The following CCDC136 variants were observed in gnomAD, a reference collection of about 807,000 sequenced individuals.
CCDC136 encodes the protein coiled-coil domain containing 136, also known as coiled-coil domain-containing protein 136.
Under a neutral mutation model 141.2 loss-of-function variants are expected in CCDC136, and 100 were observed. That is an observed-to-expected ratio of 0.71 (90% CI 0.60 to 0.84). The LOEUF (loss-of-function observed/expected upper bound fraction) is 0.84, where lower values mean the gene tolerates loss of function less well. Among genes scored for constraint, CCDC136 ranks in the 40% least tolerant of loss-of-function variants. The pLI is 0.00. For synonymous variants in CCDC136, 474 were observed against 531.9 expected (o/e 0.89, Z 1.50); for missense variants, 1,206 against 1,379.4 (o/e 0.87, Z 1.99).
intron 14 of CCDC136, among the ~76,000 whole-genome samples, chr7:128,813,953 GC>G (rs1806171160): frequency 1.3e-5 from 2 of 152,010 alleles, no homozygotes; most frequent in South Asian, 4.2e-4. Flanking sequence ...TTGCACTCCA[GC>G]CTGGGCAACA....
chr7:128,795,623 G>A (rs917265529), intron 3 of CCDC136, among the ~76,000 whole-genome samples: 2 of 152,068 alleles, frequency 1.3e-5, no homozygotes, highest in African/African-American at 2.4e-5. Context: ...TTGCAGAGGA[G>A]GAAAGTGGCA....
In CCDC136 at chr7:128,792,276, G is replaced by T. The variant is rs1451452384; in HGVS notation, c.-136G>T. ...TCTTTCCTCTGCACCCCAGCCCGCA[G>T]CCAGCCCCCCACCCCCCAGCCCCTC... On this transcript the variant is annotated 5_prime_UTR_variant, in exon 1 of 18. Transcript: ENST00000297788. The T allele has an allele frequency of 1.4e-6, 2 of 1,450,118 alleles. No homozygotes were observed. Among genetic ancestry groups the T allele is most frequent in the Non-Finnish European group, 1.8e-6 (2 of 1,083,482 alleles). The allele number at this position is 1,450,118 out of a possible 1,614,324, so 89.8% of individuals were successfully genotyped here. A position where few individuals can be genotyped will look rare whatever the true frequency, so the allele number is the denominator to read the frequency against.
chr7:128,816,077 A>T, intron 16 of CCDC136, 146 bp downstream of exon 16: 1 of 751,790 alleles, frequency 1.3e-6, no homozygotes, highest in Non-Finnish European at 2.1e-6. Context: ...GGAGGTGGAG[A>T]TGCAGAAGTG....
At chr7:128,797,512 C>G (rs536875584) in intron 3 of CCDC136, among the ~76,000 whole-genome samples, 4 of 152,270 alleles carry the variant, frequency 2.6e-5, no homozygotes, top group African/African-American at 9.6e-5. Context: ...ATGTCATGCC[C>G]TGTAAGCCAG....
chr7:128,813,404 T>C (rs901101898), intron 14 of CCDC136, among the ~76,000 whole-genome samples: 2 of 152,164 alleles, frequency 1.3e-5, no homozygotes, highest in Admixed American at 6.5e-5. Context: ...GGCCAGGGGT[T>C]CACGGTCCAG....
chr7:128,807,772 C>A, intron 10 of CCDC136: 1 of 337,044 alleles, frequency 3.0e-6, no homozygotes, highest in Middle Eastern at 8.0e-4. Context: ...AGTCTGAACC[C>A]CTGAAAGTTT....
upstream of CCDC136, chr7:128,791,573 C>G (rs906456525): frequency 8.0e-7 from 1 of 1,242,966 alleles, no homozygotes; most frequent in African/African-American, 1.6e-5. The surrounding 1 kb of genome is among the most constrained non-coding windows in gnomAD (Gnocchi z 7.1). Flanking sequence ...CCCTCCGTCA[C>G]CTGTCTACCG....
intron 14 of CCDC136, 70 bp downstream of exon 14, chr7:128,812,999 T>C (rs1473900075): frequency 1.9e-6 from 2 of 1,038,042 alleles, no homozygotes; most frequent in Non-Finnish European, 2.9e-6. Flanking sequence ...GGCCACTTCA[T>C]AGAGGCTAAA....
chr7:128,792,500 C>T, intron 1 of CCDC136, 73 bp downstream of exon 1: 7 of 1,214,966 alleles, frequency 5.8e-6, no homozygotes, highest in African/African-American at 4.6e-5. Flanking sequence ...TCCCTCTGAC[C>T]CCCAGGCCTC....
intron 4 of CCDC136, among the ~76,000 whole-genome samples, chr7:128,802,668 G>C (rs1305675220): frequency 6.6e-6 from 1 of 152,190 alleles, no homozygotes; most frequent in Non-Finnish European, 1.5e-5. Context: ...ATGGAGTTTA[G>C]TTAATAGTAA....
intron 1 of CCDC136, among the ~76,000 whole-genome samples, chr7:128,793,483 G>A (rs895321257): frequency 2.2e-4 from 33 of 152,276 alleles, no homozygotes; most frequent in Admixed American, 1.9e-3. Context: ...AAGGGCGCCC[G>A]AGTTTGTCCA....
chr7:128,813,155 G>A (rs1318856996), intron 14 of CCDC136, among the ~76,000 whole-genome samples: 2 of 152,180 alleles, frequency 1.3e-5, no homozygotes, highest in African/African-American at 4.8e-5. Flanking sequence ...TTCTCCCTTT[G>A]CCACTTCTGT....
intron 17 of CCDC136, among the ~76,000 whole-genome samples, chr7:128,820,965 T>C (rs527871609): frequency 6.6e-6 from 1 of 152,358 alleles, no homozygotes; most frequent in African/African-American, 2.4e-5. Flanking sequence ...ACCTATGCCA[T>C]AGCTTATGAC....
rs745725625 is a variant in CCDC136, at chr7:128,812,944, G to A, written c.2763+15G>A. The A allele has an allele frequency of 1.3e-6, 2 of 1,572,092 alleles. No homozygotes were observed. The highest frequency in any genetic ancestry group is 1.7e-6 in the Non-Finnish European group (2 of 1,153,100). On this transcript the variant is annotated intron_variant, in intron 14 of 17. Transcript: ENST00000297788. ...ACAAGAATGAGGTAACCACTGTCAG[G>A]GAGGCAGGGTTTCCTCTGGCAGCCC...
In CCDC136 at chr7:128,821,367, C is replaced by G. The variant is rs1225319364; in HGVS notation, c.*6-432C>G. 1.3e-5 allele frequency among the ~76,000 whole-genome samples: 2 copies of G among 152,186 alleles called. No homozygotes were observed. Among genetic ancestry groups the G allele is most frequent in the Non-Finnish European group, 2.9e-5 (2 of 68,034 alleles). ...TTCTTCATTTCCCCTCAGCCTTATT[C>G]CCCCTTCCCCATCCTCTTGACTCTG... On this transcript the variant is annotated intron_variant, in intron 17 of 17. Coordinates refer to ENST00000297788, the MANE Select transcript of CCDC136 (RefSeq NM_022742.5). The surrounding 1 kb of genome is among the most constrained non-coding windows in gnomAD (Gnocchi z 5.1).
Position 128,804,380 on chromosome 7 carries a change from C to T in CCDC136, c.671-270C>T, listed in dbSNP as rs117755788. Among the ~76,000 whole-genome samples, 186 of 152,322 alleles carry T rather than the reference C, an allele frequency of 1.2e-3. 3 individuals carry two copies. The East Asian group carries it at 0.031, about 26-fold the overall frequency. On this transcript the variant is annotated intron_variant, in intron 4 of 17. Coordinates refer to ENST00000297788, the MANE Select transcript of CCDC136 (RefSeq NM_022742.5). The stretch of plus-strand genomic sequence containing the variant: ...CAAAAATTGCTAAAAGTTCAAGAGT[C>T]TGCTTCGGTTGAGGCTTTGAAGATG...
chr7:128,791,582 C>G (rs1360922087), upstream of CCDC136: 6 of 1,229,440 alleles, frequency 4.9e-6, no homozygotes. The surrounding 1 kb of genome is among the most constrained non-coding windows in gnomAD (Gnocchi z 7.1). Context: ...ACCTGTCTAC[C>G]GCCCCTCCTT....
chr7:128,794,384 A>T lies in CCDC136; in HGVS notation c.53A>T (p.Glu18Val). 1 of 1,554,652 alleles carries T rather than the reference A, an allele frequency of 6.4e-7. No homozygotes were observed. The highest frequency in any genetic ancestry group is 8.7e-7 in the Non-Finnish European group (1 of 1,148,398). ...CTCCCAGCTCTCTATGAGGAGGAAG[A>T]GGAAGAGGAAGAGGAGGAAGAAGAG... ...VLLPALYEEE[E>V]EEEEEEEEVE... The change falls in exon 2 of 18, where the codon GAG becomes GTG. Residue 18 changes from glutamate (E) to valine (V), a missense_variant. Transcript: ENST00000297788. The surrounding 1 kb of genome is among the most constrained non-coding windows in gnomAD (Gnocchi z 4.3).
Position 128,815,629 on chromosome 7 carries a change from C to T in CCDC136, c.3061C>T (p.Leu1021=), listed in dbSNP as rs1333814387. The T allele has an allele frequency of 6.4e-7, 1 of 1,555,192 alleles. No individual in the cohort carries two copies. Among genetic ancestry groups the T allele is most frequent in the Non-Finnish European group, 8.7e-7 (1 of 1,149,160 alleles). Residue 1021 remains leucine, a synonymous_variant, in exon 16 of 18, where the codon CTG becomes TTG. Transcript: ENST00000297788. ...CACCCCACAGAGTCTGGAGGTAGTGCTGTACTACAAGGCCAGCCAGAGGAA... is the reference window on the plus strand; with the variant it reads ...CACCCCACAGAGTCTGGAGGTAGTGTTGTACTACAAGGCCAGCCAGAGGAA... ...LETRKSLEVV[L]YYKASQRKLD...
Sources: allele counts gnomAD v4.1 joint callset (sites outside exome capture counted in the v4.1 genomes callset), GRCh38; gene constraint gnomAD v4.1.1; non-coding constraint Gnocchi (gnomAD v3.1); transcripts MANE v1.5; gene names NCBI Gene and HGNC (gene_info 2026-07-23, HGNC 2026-07-21).